TOX: variants seen among roughly 807,000 people sequenced by gnomAD.
TOX encodes the protein thymocyte selection-associated high mobility group box protein TOX.
TOX carries 11 observed loss-of-function variants against 53.7 expected under a neutral mutation model. That is an observed-to-expected ratio of 0.20 (90% CI 0.13 to 0.34). TOX has a LOEUF of 0.34. Among genes scored for constraint, TOX ranks in the 10% least tolerant of loss-of-function variants. The pLI, the probability that TOX is intolerant of heterozygous loss-of-function variation, is 1.00. For missense variants in TOX, 570 were observed against 664.6 expected, an observed-to-expected ratio of 0.86 and a Z score of 1.56; for synonymous variants, 225 against 245.3, an observed-to-expected ratio of 0.92 and a Z score of 0.77.
At chr8:58,958,246 G>A (rs374388026) in intron 2 of TOX, among the ~76,000 whole-genome samples, 1 of 152,236 alleles carries the variant, frequency 6.6e-6, no homozygotes, top group East Asian at 1.9e-4. Context: ...ATTTCAGTAA[G>A]GGCTTAATAT....
At chr8:59,113,914 C>G (rs1805061265) in intron 1 of TOX, among the ~76,000 whole-genome samples, 1 of 152,174 alleles carries the variant, frequency 6.6e-6, no homozygotes, top group Admixed American at 6.5e-5. Context: ...TATAATAAAT[C>G]ACCCTTCACA....
intron 1 of TOX, among the ~76,000 whole-genome samples, chr8:58,998,495 A>ATG (rs1199217714): frequency 1.5e-3 from 95 of 63,494 alleles, no homozygotes; most frequent in African/African-American, 8.7e-3. Flanking sequence ...TCTCAAAAGT[A>ATG]TATATATATA....
At chr8:58,902,558 C>A (rs1811749892) in intron 3 of TOX, among the ~76,000 whole-genome samples, 1 of 152,106 alleles carries the variant, frequency 6.6e-6, no homozygotes, top group Admixed American at 6.6e-5. Flanking sequence ...AACTTAGGTA[C>A]TGCCTACTTT....
intron 3 of TOX, among the ~76,000 whole-genome samples, chr8:58,875,930 G>A (rs1026100101): frequency 6.6e-6 from 1 of 152,196 alleles, no homozygotes; most frequent in Non-Finnish European, 1.5e-5. Context: ...AATAAACAGC[G>A]TAAGTCAGTA....
At chr8:58,853,217 G>T (rs974698170) in intron 3 of TOX, among the ~76,000 whole-genome samples, 1 of 152,056 alleles carries the variant, frequency 6.6e-6, no homozygotes, top group Admixed American at 6.6e-5. Flanking sequence ...ACAGTTCAAG[G>T]TATCCTAGAC....
At position 59,094,530 on chromosome 8, in the gene TOX, T is replaced by G. The variant is rs188224377; in HGVS notation, c.102+24356A>C. 2.8e-3 allele frequency among the ~76,000 whole-genome samples: 428 copies of G among 151,910 alleles called. 2 individuals carry two copies. The highest frequency in any genetic ancestry group is 9.2e-3 in the African/African-American group (381 of 41,472). ...GCACACGCATATAGGTATTACATAA[T>G]TACTGTTTTTGAAAGATTTAGAATA... On this transcript the variant is annotated intron_variant, in intron 1 of 8. Transcript: ENST00000361421.
At chr8:58,816,028 G>A (rs189659054) in intron 6 of TOX, among the ~76,000 whole-genome samples, 112 of 152,098 alleles carry the variant, frequency 7.4e-4, no homozygotes, top group Admixed American at 2.2e-3. Context: ...TGTGGAGGGT[G>A]GGGGACGGGA....
At chr8:58,980,758 C>T (rs1287166346) in intron 1 of TOX, among the ~76,000 whole-genome samples, 2 of 152,178 alleles carry the variant, frequency 1.3e-5, no homozygotes, top group African/African-American at 2.4e-5. Flanking sequence ...CCCACTCTTT[C>T]CTAATTCTAA....
chr8:59,084,691 TG>T (rs1447159709), intron 1 of TOX, among the ~76,000 whole-genome samples: 1 of 152,220 alleles, frequency 6.6e-6, no homozygotes, highest in Non-Finnish European at 1.5e-5. Context: ...GTCTTCCCAC[TG>T]CTCCTTATAG....
chr8:58,993,597 A>G (rs779544467), intron 1 of TOX, among the ~76,000 whole-genome samples: 5 of 152,218 alleles, frequency 3.3e-5, no homozygotes, highest in Non-Finnish European at 1.5e-5. Context: ...GAAAATGAAA[A>G]CAGTAATAAC....
chr8:58,904,426 T>C (rs4738735), intron 3 of TOX, among the ~76,000 whole-genome samples: 82,639 of 151,708 alleles, frequency 0.54, 22,908 homozygotes, highest in African/African-American at 0.63. Flanking sequence ...ACAAAGGAGG[T>C]GCTTTCACAT....
At chr8:59,098,887 CCA>C (rs145852550) in intron 1 of TOX, among the ~76,000 whole-genome samples, 2,794 of 152,256 alleles carry the variant, frequency 0.018, 33 homozygotes, top group Middle Eastern at 0.037. Flanking sequence ...TTAATATGCT[CCA>C]GTTGCCCTTT....
At chr8:58,903,199 GA>G (rs1288091188) in intron 3 of TOX, among the ~76,000 whole-genome samples, 3 of 152,204 alleles carry the variant, frequency 2.0e-5, no homozygotes, top group African/African-American at 4.8e-5. Context: ...GATTTTGTAA[GA>G]ACTGGTGGTG....
intron 3 of TOX, among the ~76,000 whole-genome samples, chr8:58,897,601 A>G (rs985668688): frequency 6.6e-6 from 1 of 152,132 alleles, no homozygotes; most frequent in African/African-American, 2.4e-5. Flanking sequence ...ACTGTCAGTG[A>G]TGGAATATTC....
At chr8:59,033,172 T>G (rs930582485) in intron 1 of TOX, among the ~76,000 whole-genome samples, 1 of 152,238 alleles carries the variant, frequency 6.6e-6, no homozygotes, top group Non-Finnish European at 1.5e-5. Context: ...ATACTCCTCT[T>G]AATTCCAGAG....
intron 2 of TOX, among the ~76,000 whole-genome samples, chr8:58,947,198 A>G (rs1336335232): frequency 6.6e-6 from 1 of 152,124 alleles, no homozygotes; most frequent in Non-Finnish European, 1.5e-5. Context: ...TTCATGAGAA[A>G]GACTCCAAGT....
chr8:59,081,621 T>A (rs558806161), intron 1 of TOX, among the ~76,000 whole-genome samples: 1 of 152,314 alleles, frequency 6.6e-6, no homozygotes, highest in East Asian at 1.9e-4. Context: ...TGTCTTTACA[T>A]GATGTCTAAG....
chr8:58,939,195 A>C, intron 3 of TOX, 107 bp downstream of exon 3: 1 of 1,385,300 alleles, frequency 7.2e-7, no homozygotes, highest in Non-Finnish European at 9.9e-7. Context: ...ACAGCTAGAA[A>C]CAGTTTCAGA....
At chr8:59,009,424 G>A (rs187310367) in intron 1 of TOX, among the ~76,000 whole-genome samples, 232 of 151,204 alleles carry the variant, frequency 1.5e-3, no homozygotes, top group South Asian at 8.4e-3. Flanking sequence ...CCAGGCTGGA[G>A]TGCAGTGGTG....
Sources: gnomAD v4.1 joint callset for allele counts (sites outside exome capture counted in the v4.1 genomes callset) on GRCh38, gnomAD v4.1.1 for gene constraint, MANE v1.5 for transcripts, NCBI Gene and HGNC (gene_info 2026-07-23, HGNC 2026-07-21) for gene names.